Variants in DPEP2 observed in about 807,000 individuals in gnomAD.
The protein encoded by DPEP2 is dipeptidase 2.
DPEP2 carries 45 observed loss-of-function variants against 51.8 expected under a neutral mutation model. That is an observed-to-expected ratio of 0.87 (90% CI 0.68 to 1.11). The LOEUF (loss-of-function observed/expected upper bound fraction) is 1.11. Ranked by LOEUF, DPEP2 falls within the 50% of genes most tolerant of loss-of-function variation. The pLI is 0.00. For missense variants in DPEP2, 604 were observed against 631.9 expected, an observed-to-expected ratio of 0.96 and a Z score of 0.47; for synonymous variants, 255 against 262.7, an observed-to-expected ratio of 0.97 and a Z score of 0.28.
intron 1 of DPEP2, chr16:67,994,150 C>T (rs2032520378): frequency 4.1e-6 from 4 of 985,386 alleles, no homozygotes; most frequent in Non-Finnish European, 4.8e-6. Context: ...AGTCCCCGGC[C>T]GCAGCACCTT....
chr16:67,989,049 G>A (rs754233320), intron 9 of DPEP2, among the ~76,000 whole-genome samples: 1 of 152,204 alleles, frequency 6.6e-6, no homozygotes, highest in South Asian at 2.1e-4. Context: ...ACTGTGCACA[G>A]GGCTCACACC....
chr16:67,997,943 C>T (rs1017248528), intron 1 of DPEP2, among the ~76,000 whole-genome samples: 6 of 152,242 alleles, frequency 3.9e-5, no homozygotes, highest in African/African-American at 1.4e-4. Context: ...ACTCTGCCCA[C>T]TGCCAGCATC....
At position 67,989,532 on chromosome 16, in the gene DPEP2, T is replaced by G. The variant is rs546123581; in HGVS notation, c.995-134A>C. 2.1e-4 allele frequency: 181 copies of G among 843,864 alleles called. 2 individuals carry two copies. In the Middle Eastern group the frequency reaches 4.0e-3, roughly 19 times the overall value. The allele number at this position is 843,864 out of a possible 1,614,324, so 52.3% of individuals were successfully genotyped here. ...GCTAATTCCTTTATGGCCTGCCACA[T>G]AGCTTGGCAACCTGAGAACCCTGAG... On this transcript the variant is annotated intron_variant, in intron 8 of 10. Coordinates refer to ENST00000393847, the MANE Select transcript of DPEP2 (RefSeq NM_022355.4).
In DPEP2 at chr16:67,991,865, G is replaced by C. The variant is rs150079633; in HGVS notation, c.635C>G (p.Thr212Arg). The C allele has an allele frequency of 2.5e-6, 4 of 1,614,036 alleles. No individual in the cohort carries two copies. The African/African-American group carries it at 5.3e-5, about 22-fold the overall frequency. ...TFYMLGVRYL[T>R]LTHTCNTPWA... ...GGGTGTGTTGCAGGTGTGGGTGAGC[G>C]TCAGGTAGCGCACTCCCAGCATGTA... Residue 212 changes from threonine to arginine, a missense_variant, in exon 5 of 11, where the codon ACG becomes AGG. By Grantham distance (71) the Thr-to-Arg change is moderately conservative. Transcript: ENST00000393847. This position sits in a 1 kb window ranked among gnomAD's most constrained non-coding sequence, Gnocchi z 5.1.
At chr16:67,994,304 G>C (rs2032534084) in intron 1 of DPEP2, 7 of 985,298 alleles carry the variant, frequency 7.1e-6, no homozygotes, top group Non-Finnish European at 7.2e-6. Flanking sequence ...TTATCTTGTG[G>C]CTCCTGTGGC....
chr16:67,997,295 A>G (rs983719018), intron 1 of DPEP2, among the ~76,000 whole-genome samples: 1 of 151,858 alleles, frequency 6.6e-6, no homozygotes, highest in Non-Finnish European at 1.5e-5. Context: ...GACCTCCCAA[A>G]GTGCTGGGAT....
At chr16:68,000,124 A>C (rs893057584), upstream of DPEP2, among the ~76,000 whole-genome samples, 2 of 152,164 alleles carry the variant, frequency 1.3e-5, no homozygotes, top group African/African-American at 4.8e-5. Context: ...CCTTGGCACA[A>C]CCTCAGCCTC....
In DPEP2 at chr16:67,991,264, C is replaced by T. The variant is rs2032118010; in HGVS notation, c.663-80G>A. On this transcript the variant is annotated intron_variant, in intron 5 of 10. Coordinates refer to ENST00000393847, the MANE Select transcript of DPEP2 (RefSeq NM_022355.4). This position sits in a 1 kb window ranked among gnomAD's most constrained non-coding sequence, Gnocchi z 5.1. ...TCTAGAGGCCCTACCCACCCTCCAT[C>T]CCTGCACCCCCCTGAAACAAAAACA... 7.1e-7 allele frequency: 1 copy of T among 1,399,880 alleles called. No individual in the cohort carries two copies. Among genetic ancestry groups the T allele is most frequent in the Non-Finnish European group, 9.9e-7 (1 of 1,011,330 alleles). The allele number at this position is 1,399,880 out of a possible 1,614,324, so 86.7% of individuals were successfully genotyped here.
At position 67,991,911 on chromosome 16, in the gene DPEP2, G is replaced by A. The variant is rs141563048; in HGVS notation, c.589C>T (p.Leu197Phe). 1.6e-5 allele frequency: 26 copies of A among 1,614,166 alleles called. No individual in the cohort carries two copies. Among genetic ancestry groups the A allele is most frequent in the Non-Finnish European group, 2.0e-5 (24 of 1,180,030 alleles). Reference sequence around the variant, plus strand: ...ATGTAGAAGGTACGTAAGATGGAGAGGCTATTGTCCAGCGAGTGGCCACCC... The same window carrying A: ...ATGTAGAAGGTACGTAAGATGGAGAAGCTATTGTCCAGCGAGTGGCCACCC... ...VEGGHSLDNS[L>F]SILRTFYMLG... The change falls in exon 5 of 11, where the codon CTC becomes TTC. Residue 197 changes from leucine (L) to phenylalanine (F), a missense_variant. Physicochemically the swap from Leu to Phe is conservative, Grantham distance 22 (BLOSUM62 0). Coordinates refer to ENST00000393847, the MANE Select transcript of DPEP2 (RefSeq NM_022355.4). The surrounding 1 kb of genome is among the most constrained non-coding windows in gnomAD (Gnocchi z 5.1).
At chr16:67,992,780 T>TCCCCTGAG in intron 2 of DPEP2, 144 bp from the exon 3 acceptor site, 1 of 1,489,088 alleles carries the variant, frequency 6.7e-7, no homozygotes, top group Non-Finnish European at 9.0e-7. Flanking sequence ...GGGCTAGGAG[T>TCCCCTGAG]GCCCACCCAA....
intron 1 of DPEP2, among the ~76,000 whole-genome samples, chr16:67,996,258 T>C (rs1473081770): frequency 1.3e-5 from 2 of 151,626 alleles, no homozygotes; most frequent in Non-Finnish European, 2.9e-5. Context: ...GCTGGTCAAT[T>C]ATTATTTGTC....
Position 67,991,730 on chromosome 16 carries a change from A to C in DPEP2, c.662+108T>G. On this transcript the variant is annotated intron_variant, in intron 5 of 10. Coordinates refer to ENST00000393847, the MANE Select transcript of DPEP2 (RefSeq NM_022355.4). The surrounding 1 kb of genome is among the most constrained non-coding windows in gnomAD (Gnocchi z 5.1). The stretch of plus-strand genomic sequence containing the variant: ...GAATCCCAGCTCCCCTCCCCACTCC[A>C]GAGTCAGTGCCACATCCCATGGGTA... 6.8e-7 allele frequency: 1 copy of C among 1,477,204 alleles called. No individual in the cohort carries two copies. The highest frequency in any genetic ancestry group is 1.4e-5 in the African/African-American group (1 of 72,036). 91.5% of individuals were successfully genotyped at this position (1,477,204 alleles called of 1,614,324 possible).
chr16:67,989,449 G>A, intron 8 of DPEP2, 51 bp from the exon 9 acceptor site: 1 of 1,588,284 alleles, frequency 6.3e-7, no homozygotes, highest in Non-Finnish European at 8.6e-7. Context: ...CCAGGGCAGG[G>A]GTGCCACTGG....
At chr16:67,995,630 T>C (rs2032644134) in intron 1 of DPEP2, among the ~76,000 whole-genome samples, 1 of 152,170 alleles carries the variant, frequency 6.6e-6, no homozygotes, top group Non-Finnish European at 1.5e-5. Flanking sequence ...GCATAAAGAA[T>C]GAGGAACTGA....
chr16:67,993,394 C>G, intron 1 of DPEP2, 137 bp from the exon 2 acceptor site: 1 of 1,278,832 alleles, frequency 7.8e-7, no homozygotes, highest in South Asian at 2.7e-5. Flanking sequence ...GCGGCGGCAC[C>G]GCCCAGTACG....
upstream of DPEP2, among the ~76,000 whole-genome samples, chr16:68,000,091 T>A (rs1459376928): frequency 1.3e-5 from 2 of 152,132 alleles, no homozygotes; most frequent in African/African-American, 2.4e-5. Context: ...GCCACCTCAG[T>A]GATGCTACGT....
At position 67,991,022 on chromosome 16, in the gene DPEP2, G is replaced by A. The variant is rs1213043690; in HGVS notation, c.733-25C>T. 3 of 1,613,886 alleles carry A rather than the reference G, an allele frequency of 1.9e-6. No individual in the cohort carries two copies. The highest frequency in any genetic ancestry group is 2.5e-6 in the Non-Finnish European group (3 of 1,179,758). ...TCTGCAGGGACATGTTGGGAGAAGG[G>A]TATCAGGGGTGCACATGTGTATACA... On this transcript the variant is annotated intron_variant, in intron 6 of 10. Coordinates refer to ENST00000393847, the MANE Select transcript of DPEP2 (RefSeq NM_022355.4). The surrounding 1 kb of genome is among the most constrained non-coding windows in gnomAD (Gnocchi z 5.1).
chr16:67,995,028 G>A (rs971755156), intron 1 of DPEP2: 1 of 377,470 alleles, frequency 2.6e-6, no homozygotes, highest in African/African-American at 2.2e-5. Flanking sequence ...AACTTCCCGA[G>A]TAGCTGGGAC....
In DPEP2 at chr16:67,987,610, T is replaced by C; in HGVS notation, c.1357A>G (p.Thr453Ala). Residue 453 changes from threonine (T) to alanine (A), a missense_variant, in exon 11 of 11, where the codon ACA (threonine) becomes GCA (alanine). Transcript: ENST00000393847. Reference sequence around the variant, plus strand: ...GACCACTTGGCTGGTAACTTGGCTGTCCAGTGTATGGGAATCTCAGTGAGT... The same window carrying C: ...GACCACTTGGCTGGTAACTTGGCTGCCCAGTGTATGGGAATCTCAGTGAGT... ...QELTEIPIHW[T>A]AKLPAKWSVS... 1 of 1,614,160 alleles carries C rather than the reference T, an allele frequency of 6.2e-7. No homozygotes were observed. Among genetic ancestry groups the C allele is most frequent in the Non-Finnish European group, 8.5e-7 (1 of 1,180,024 alleles).
Sources: allele counts gnomAD v4.1 joint callset (sites outside exome capture counted in the v4.1 genomes callset), GRCh38; gene constraint gnomAD v4.1.1; non-coding constraint Gnocchi (gnomAD v3.1); transcripts MANE v1.5; gene names NCBI Gene and HGNC (gene_info 2026-07-23, HGNC 2026-07-21).